NALF1: variants seen among roughly 807,000 people sequenced by gnomAD.
The protein encoded by NALF1 is family with sequence similarity 155 member A.
In NALF1, 3 loss-of-function variants were observed where a neutral mutation model predicts 48.4. The observed-to-expected ratio is 0.06, with a 90% CI of 0.03 to 0.16. The LOEUF (loss-of-function observed/expected upper bound fraction) is 0.16. Among genes scored for constraint, NALF1 ranks in the 10% least tolerant of loss-of-function variants. NALF1 has a pLI of 1.00. For missense variants in NALF1, 526 were observed against 571.5 expected (o/e 0.92, Z 0.81); for synonymous variants, 262 against 245.7 (o/e 1.07, Z -0.62).
intron 1 of NALF1, among the ~76,000 whole-genome samples, chr13:107,655,960 T>C (rs185795648): frequency 6.6e-6 from 1 of 152,048 alleles, no homozygotes; most frequent in Non-Finnish European, 1.5e-5. Flanking sequence ...TAGCCACATG[T>C]AAAATAATAA....
At chr13:107,278,883 C>T (rs1464001353) in intron 1 of NALF1, among the ~76,000 whole-genome samples, 3 of 152,016 alleles carry the variant, frequency 2.0e-5, no homozygotes, top group African/African-American at 7.2e-5. Context: ...CCAAACTTCC[C>T]CTTTTGCTCT....
chr13:107,859,859 G>C (rs1439147142), intron 1 of NALF1, among the ~76,000 whole-genome samples: 3 of 140,004 alleles, frequency 2.1e-5, no homozygotes, highest in African/African-American at 8.0e-5. Flanking sequence ...AGGTTGCAGT[G>C]AGCTGAGATC....
intron 1 of NALF1, among the ~76,000 whole-genome samples, chr13:107,774,126 T>C (rs1330921463): frequency 1.3e-5 from 2 of 152,220 alleles, no homozygotes; most frequent in African/African-American, 4.8e-5. Flanking sequence ...GTTACTTCAA[T>C]CATTTCTCTT....
chr13:107,368,401 C>A (rs1883189563), intron 1 of NALF1, among the ~76,000 whole-genome samples: 1 of 151,870 alleles, frequency 6.6e-6, no homozygotes, highest in Non-Finnish European at 1.5e-5. Flanking sequence ...ACTAAAACCT[C>A]CTGCCTCAGC....
Position 107,439,727 on chromosome 13 carries a change from C to T in NALF1, c.916-228972G>A, listed in dbSNP as rs970777721. Among the ~76,000 whole-genome samples, 3 of 152,106 alleles carry T rather than the reference C, an allele frequency of 2.0e-5. No homozygotes were observed. In the East Asian group the frequency reaches 5.8e-4, roughly 29 times the overall value. On this transcript the variant is annotated intron_variant, in intron 1 of 2. Transcript: ENST00000375915. ...TAGATGGAGGTAAACCAGAGTCACTCCACTTTCAGAGTACGTGTCATGATT... is the reference window on the plus strand; with the variant it reads ...TAGATGGAGGTAAACCAGAGTCACTTCACTTTCAGAGTACGTGTCATGATT...
chr13:107,711,389 G>A (rs1325695587), intron 1 of NALF1, among the ~76,000 whole-genome samples: 2 of 152,232 alleles, frequency 1.3e-5, no homozygotes, highest in Non-Finnish European at 2.9e-5. Flanking sequence ...AGGCGGGAGT[G>A]CAGTGACGCA....
At chr13:107,465,716 C>T (rs1389874879) in intron 1 of NALF1, among the ~76,000 whole-genome samples, 1 of 152,112 alleles carries the variant, frequency 6.6e-6, no homozygotes. Context: ...ATACCTAACG[C>T]TAGGTCATTT....
chr13:107,537,718 C>G (rs1876874357), intron 1 of NALF1, among the ~76,000 whole-genome samples: 1 of 152,160 alleles, frequency 6.6e-6, no homozygotes, highest in African/African-American at 2.4e-5. Context: ...TAAGTGGGGC[C>G]AAATTCTTCA....
chr13:107,693,771 T>C (rs898038956), intron 1 of NALF1, among the ~76,000 whole-genome samples: 1 of 152,110 alleles, frequency 6.6e-6, no homozygotes, highest in Non-Finnish European at 1.5e-5. Context: ...ATGTCATAAA[T>C]GTACACACTG....
intron 1 of NALF1, among the ~76,000 whole-genome samples, chr13:107,534,209 C>A (rs1304665783): frequency 6.6e-6 from 1 of 152,038 alleles, no homozygotes. Context: ...TTTTCACAAG[C>A]CCTTCAGATG....
chr13:107,815,901 C>T (rs900033405), intron 1 of NALF1, among the ~76,000 whole-genome samples: 4 of 152,086 alleles, frequency 2.6e-5, no homozygotes, highest in Non-Finnish European at 5.9e-5. Context: ...CTGTATCATC[C>T]AATTTATGTA....
intron 2 of NALF1, among the ~76,000 whole-genome samples, chr13:107,205,703 C>T (rs1387378954): frequency 1.3e-5 from 2 of 152,044 alleles, no homozygotes; most frequent in Non-Finnish European, 2.9e-5. Context: ...CCCAGCAGAC[C>T]AACTTTTACT....
chr13:107,239,906 C>T (rs1880433079), intron 1 of NALF1, among the ~76,000 whole-genome samples: 1 of 152,066 alleles, frequency 6.6e-6, no homozygotes. Flanking sequence ...TGGAGAGGGA[C>T]CATGGGAAGG....
At chr13:107,188,873 A>C (rs1879229056) in intron 2 of NALF1, among the ~76,000 whole-genome samples, 1 of 152,222 alleles carries the variant, frequency 6.6e-6, no homozygotes, top group Admixed American at 6.5e-5. Flanking sequence ...CAAAGCACCT[A>C]GATGTAGCCT....
chr13:107,474,328 T>C (rs1041725076), intron 1 of NALF1, among the ~76,000 whole-genome samples: 1 of 152,200 alleles, frequency 6.6e-6, no homozygotes, highest in Admixed American at 6.5e-5. Context: ...CTATATTTCA[T>C]ACTATCATCC....
intron 1 of NALF1, among the ~76,000 whole-genome samples, chr13:107,483,037 G>T (rs1038830595): frequency 2.0e-5 from 3 of 152,044 alleles, no homozygotes; most frequent in African/African-American, 7.2e-5. Flanking sequence ...GGAGTTTTAC[G>T]TTTATTGGTG....
At chr13:107,526,794 T>C (rs1199684018) in intron 1 of NALF1, among the ~76,000 whole-genome samples, 2 of 152,134 alleles carry the variant, frequency 1.3e-5, no homozygotes, top group Non-Finnish European at 2.9e-5. Flanking sequence ...TGAAAATCTA[T>C]CCAACTTCTG....
chr13:107,259,034 A>T (rs78101746), intron 1 of NALF1, among the ~76,000 whole-genome samples: 2,823 of 152,140 alleles, frequency 0.019, 90 homozygotes, highest in African/African-American at 0.064. Flanking sequence ...TGATTGTCAC[A>T]TGTTTAAGGA....
chr13:107,401,822 T>C (rs577407354), intron 1 of NALF1, among the ~76,000 whole-genome samples: 2 of 152,304 alleles, frequency 1.3e-5, no homozygotes, highest in Admixed American at 6.5e-5. Context: ...ATCAAACCCA[T>C]GTTGGATGGT....
Sources: gnomAD v4.1 joint callset for allele counts (sites outside exome capture counted in the v4.1 genomes callset) on GRCh38, gnomAD v4.1.1 for gene constraint, MANE v1.5 for transcripts, NCBI Gene and HGNC (gene_info 2026-07-23, HGNC 2026-07-21) for gene names.